CDS2: variants seen among roughly 807,000 people sequenced by gnomAD.
CDS2 encodes the protein phosphatidate cytidylyltransferase 2.
A neutral mutation model predicts 59.0 loss-of-function variants in CDS2; 47 were observed. The ratio of observed to expected loss-of-function variants is 0.80; its 90% CI spans 0.63 to 1.02. CDS2 has a LOEUF of 1.02. Ranked by LOEUF, CDS2 falls within the 50% of genes least tolerant of loss-of-function variation. The probability of loss-of-function intolerance (pLI) is 0.00; values close to 1 mark genes in which losing one functional copy is unlikely to be tolerated. For missense variants in CDS2, 356 were observed against 558.9 expected (o/e 0.64, Z 3.66); for synonymous variants, 207 against 206.4 (o/e 1.00, Z -0.02).
At position 5,196,769 on chromosome 20, in the gene CDS2, CTG is replaced by C. The variant is rs911146013; in HGVS notation, c.*6537_*6538del. 1 of 152,326 alleles carries C rather than the reference CTG, an allele frequency of 6.6e-6. No individual in the cohort carries two copies. The highest frequency in any genetic ancestry group is 2.4e-5 in the African/African-American group (1 of 41,428). 9.4% of individuals were successfully genotyped at this position (152,326 alleles called of 1,614,324 possible). A position where few individuals can be genotyped will look rare whatever the true frequency, so the allele number is the denominator to read the frequency against. On this transcript the variant is annotated 3_prime_UTR_variant, in exon 13 of 13. Coordinates refer to ENST00000460006, the MANE Select transcript of CDS2 (RefSeq NM_003818.4). The stretch of plus-strand genomic sequence containing the variant: ...GCACAGGGCTCTGGCCTTTAGTAAA[CTG>C]TTTTTCTGTCTTACGTCATGCTGAC...
rs915464945 is a variant in CDS2, at chr20:5,185,070, T to C, written c.759+125T>C. 7.0e-6 allele frequency: 5 copies of C among 714,460 alleles called. No individual in the cohort carries two copies. The African/African-American group carries it at 8.9e-5, about 13-fold the overall frequency. The allele number at this position is 714,460 out of a possible 1,614,324, so 44.3% of individuals were successfully genotyped here. A position where few individuals can be genotyped will look rare whatever the true frequency, so the allele number is the denominator to read the frequency against. On this transcript the variant is annotated intron_variant, in intron 8 of 12. Coordinates refer to ENST00000460006, the MANE Select transcript of CDS2 (RefSeq NM_003818.4). ...TGTATTGTGGCCATGTCTTCATGTC[T>C]TCCTGGAGAAAGGCCAAAGGAAAAC... is the stretch of plus-strand genomic sequence containing the variant.
At chr20:5,169,766 A>G (rs1347089376) in intron 1 of CDS2, among the ~76,000 whole-genome samples, 1 of 152,228 alleles carries the variant, frequency 6.6e-6, no homozygotes, top group East Asian at 1.9e-4. Context: ...GTCTACTAGC[A>G]TGGACTGTTG....
chr20:5,185,646 A>G (rs953678244), intron 8 of CDS2, 112 bp from the exon 9 acceptor site: 1 of 880,524 alleles, frequency 1.1e-6, no homozygotes, highest in Non-Finnish European at 1.8e-6. Flanking sequence ...AAAAGGTGAC[A>G]TGGTTAAGAG....
At position 5,127,088 on chromosome 20, in the gene CDS2, C is replaced by T. The variant is rs2090558944; in HGVS notation, c.-5C>T. 1 of 1,494,582 alleles carries T rather than the reference C, an allele frequency of 6.7e-7. No homozygotes were observed. The allele number at this position is 1,494,582 out of a possible 1,614,324, so 92.6% of individuals were successfully genotyped here. A position where few individuals can be genotyped will look rare whatever the true frequency, so the allele number is the denominator to read the frequency against. On this transcript the variant is annotated 5_prime_UTR_variant, in exon 1 of 13. Coordinates refer to ENST00000460006, the MANE Select transcript of CDS2 (RefSeq NM_003818.4). ...TCGCGGCGACGTCGGGCCGATTTTC[C>T]CAGGATGACAGAGCTGAGGCAGAGG...
chr20:5,196,048 A>C lies in CDS2; in HGVS notation c.*5814A>C, dbSNP rs1381627351. 2.0e-5 allele frequency: 3 copies of C among 152,210 alleles called. No individual in the cohort carries two copies. The highest frequency in any genetic ancestry group is 4.4e-5 in the Non-Finnish European group (3 of 68,040). 9.4% of individuals were successfully genotyped at this position (152,210 alleles called of 1,614,324 possible). ...CATGAAATTCCTAGGTCAGTTGAAT[A>C]ATAACTGAACTACTGGTTTGACTGT... On this transcript the variant is annotated 3_prime_UTR_variant, in exon 13 of 13. Coordinates refer to ENST00000460006, the MANE Select transcript of CDS2 (RefSeq NM_003818.4).
chr20:5,180,581 G>C (rs968364524), intron 5 of CDS2, among the ~76,000 whole-genome samples: 20 of 152,002 alleles, frequency 1.3e-4, no homozygotes, highest in African/African-American at 4.6e-4. Flanking sequence ...ATTTTGGAGG[G>C]GTTTGGCCAG....
rs913777847 is a variant in CDS2 at position 5,193,116 on chromosome 20, G to C, written c.*2882G>C. On this transcript the variant is annotated 3_prime_UTR_variant, in exon 13 of 13. Coordinates refer to ENST00000460006, the MANE Select transcript of CDS2 (RefSeq NM_003818.4). Reference sequence around the variant, plus strand: ...CTGATGGGCACCCCCCAGCCCCTGGGAGCTCTGCTCATGACCGCTCACAGG... The same window carrying C: ...CTGATGGGCACCCCCCAGCCCCTGGCAGCTCTGCTCATGACCGCTCACAGG... The C allele has an allele frequency of 6.6e-6, 1 of 152,218 alleles. No homozygotes were observed. The highest frequency in any genetic ancestry group is 2.1e-4 in the South Asian group (1 of 4,824). 9.4% of individuals were successfully genotyped at this position (152,218 alleles called of 1,614,324 possible).
intron 1 of CDS2, among the ~76,000 whole-genome samples, chr20:5,145,263 T>G (rs2090732867): frequency 2.0e-5 from 1 of 50,924 alleles, no homozygotes; most frequent in Non-Finnish European, 3.7e-5. Flanking sequence ...CGCCACCAAA[T>G]CCAAGAATTG....
intron 1 of CDS2, among the ~76,000 whole-genome samples, chr20:5,132,988 C>T (rs1009372062): frequency 6.0e-5 from 9 of 149,138 alleles, no homozygotes; most frequent in South Asian, 4.2e-4. Context: ...CTGGCTAAGA[C>T]GGCAAAACCC....
intron 1 of CDS2, among the ~76,000 whole-genome samples, chr20:5,155,322 C>T (rs6139641): frequency 0.054 from 8,194 of 152,292 alleles, 983 homozygotes; most frequent in East Asian, 0.48. Context: ...TAAAGGTTGA[C>T]GGATTTCATT....
intron 1 of CDS2, among the ~76,000 whole-genome samples, chr20:5,161,223 GTTTTTCT>G (rs1162554855): frequency 6.6e-6 from 1 of 152,234 alleles, no homozygotes; most frequent in African/African-American, 2.4e-5. Context: ...TGTTATTTTG[GTTTTTCT>G]TTTTTCTTTT....
chr20:5,175,378 G>A (rs998957130), intron 3 of CDS2, 99 bp downstream of exon 3: 7 of 912,768 alleles, frequency 7.7e-6, no homozygotes, highest in South Asian at 2.8e-5. Context: ...GGGAATTGAC[G>A]GGGGTCCAGG....
At chr20:5,189,660 T>C (rs2091097684) in intron 11 of CDS2, 75 bp from the exon 12 acceptor site, 2 of 1,043,182 alleles carry the variant, frequency 1.9e-6, no homozygotes, top group Non-Finnish European at 2.9e-6. Context: ...AGCCTGACAT[T>C]GGGGTGGGAC....
intron 1 of CDS2, among the ~76,000 whole-genome samples, chr20:5,154,282 C>T (rs1483045704): frequency 1.3e-5 from 2 of 152,212 alleles, no homozygotes; most frequent in Non-Finnish European, 2.9e-5. Context: ...GAAGTGTTCA[C>T]TGGCTGTGGT....
At chr20:5,179,127 T>G (rs2091015013) in intron 5 of CDS2, among the ~76,000 whole-genome samples, 171 bp downstream of exon 5, 1 of 150,964 alleles carries the variant, frequency 6.6e-6, no homozygotes, top group Non-Finnish European at 1.5e-5. Flanking sequence ...TTACCTTTTT[T>G]TTTTTTTTTT....
At chr20:5,172,297 T>C (rs2090961792) in intron 1 of CDS2, among the ~76,000 whole-genome samples, 1 of 152,174 alleles carries the variant, frequency 6.6e-6, no homozygotes, top group Admixed American at 6.5e-5. Context: ...AGCAAATCAC[T>C]GGGGTGTCTA....
intron 1 of CDS2, among the ~76,000 whole-genome samples, chr20:5,158,964 G>T (rs2090854962): frequency 6.6e-6 from 1 of 152,196 alleles, no homozygotes; most frequent in Non-Finnish European, 1.5e-5. Context: ...ACAGGTGAGG[G>T]TGAGGCACTT....
chr20:5,187,994 T>C (rs997493133), intron 10 of CDS2: 1 of 152,150 alleles, frequency 6.6e-6, no homozygotes, highest in Admixed American at 6.5e-5. Flanking sequence ...CACTGTGAAC[T>C]TGACAGCTTC....
At chr20:5,170,358 C>T (rs975706751) in intron 1 of CDS2, among the ~76,000 whole-genome samples, 25 of 152,174 alleles carry the variant, frequency 1.6e-4, no homozygotes, top group Non-Finnish European at 1.3e-4. Context: ...TGGAAGCTGC[C>T]GCTGGCACTC....
Sources: gnomAD v4.1 joint callset for allele counts (sites outside exome capture counted in the v4.1 genomes callset) on GRCh38, gnomAD v4.1.1 for gene constraint, MANE v1.5 for transcripts, NCBI Gene and HGNC (gene_info 2026-07-23, HGNC 2026-07-21) for gene names.